KAT2B: variants seen among roughly 807,000 people sequenced by gnomAD.
The protein encoded by KAT2B is histone acetyltransferase KAT2B.
A neutral mutation model predicts 105.9 loss-of-function variants in KAT2B; 36 were observed. That is an observed-to-expected ratio of 0.34 (90% confidence interval 0.26 to 0.45). The LOEUF is 0.45. Among genes scored for constraint, KAT2B ranks in the 20% least tolerant of loss-of-function variants. KAT2B has a pLI of 1.00. For missense variants in KAT2B, 820 were observed against 1,021.6 expected (o/e 0.80, Z 2.69); for synonymous variants, 397 against 377.9 (o/e 1.05, Z -0.59).
chr3:20,088,048 G>A (rs1032398778), intron 2 of KAT2B, among the ~76,000 whole-genome samples: 1 of 152,064 alleles, frequency 6.6e-6, no homozygotes, highest in African/African-American at 2.4e-5. Flanking sequence ...AAAGTGCTAG[G>A]ATTACAGGTG....
chr3:20,048,859 C>A (rs1697862145), intron 1 of KAT2B, among the ~76,000 whole-genome samples: 1 of 152,070 alleles, frequency 6.6e-6, no homozygotes, highest in Non-Finnish European at 1.5e-5. Flanking sequence ...TGCTGGGTGC[C>A]TTTGGGCAGC....
intron 1 of KAT2B, among the ~76,000 whole-genome samples, chr3:20,063,345 C>T (rs1698169279): frequency 6.6e-6 from 1 of 150,706 alleles, no homozygotes; most frequent in South Asian, 2.1e-4. Context: ...CACCTGGCCG[C>T]CTGTGCTTTT....
At chr3:20,126,893 C>T (rs1699414643) in intron 10 of KAT2B, among the ~76,000 whole-genome samples, 1 of 150,848 alleles carries the variant, frequency 6.6e-6, no homozygotes, top group African/African-American at 2.4e-5. Flanking sequence ...TTTTAACATA[C>T]ATAGCCCAGT....
chr3:20,136,593 T>G (rs375008819), intron 11 of KAT2B, among the ~76,000 whole-genome samples: 8 of 152,282 alleles, frequency 5.3e-5, no homozygotes, highest in African/African-American at 1.9e-4. Flanking sequence ...AAATTCATAA[T>G]CTACATTCAT....
intron 1 of KAT2B, 104 bp downstream of exon 1, chr3:20,040,884 T>A (rs1697704750): frequency 1.7e-5 from 22 of 1,329,960 alleles, no homozygotes; most frequent in Non-Finnish European, 2.2e-5. Flanking sequence ...CTCCTGCCTC[T>A]CGCCTCCCGC....
intron 1 of KAT2B, among the ~76,000 whole-genome samples, chr3:20,048,030 C>G (rs192991872): frequency 6.6e-6 from 1 of 152,132 alleles, no homozygotes; most frequent in African/African-American, 2.4e-5. Flanking sequence ...ATTGTCACAG[C>G]AAAGTACAAA....
chr3:20,040,486 G>A lies in KAT2B; in HGVS notation c.9G>A (p.Glu3=), dbSNP rs947055646. The part of the protein sequence containing the change: MS[E]AGGAGPGGCG... Reference sequence around the variant, plus strand: ...CCGTGCTCCGGGGCGGCATGTCCGAGGCTGGCGGGGCCGGGCCGGGCGGCT... The same window carrying A: ...CCGTGCTCCGGGGCGGCATGTCCGAAGCTGGCGGGGCCGGGCCGGGCGGCT... Residue 3 remains glutamate, a synonymous_variant, in exon 1 of 18, where the codon GAG becomes GAA. Coordinates refer to ENST00000263754, the MANE Select transcript of KAT2B (RefSeq NM_003884.5). 14 of 1,053,100 alleles carry A rather than the reference G, an allele frequency of 1.3e-5. No individual in the cohort carries two copies. The Admixed American group carries it at 5.6e-4, about 42-fold the overall frequency. The allele number at this position is 1,053,100 out of a possible 1,614,324, so 65.2% of individuals were successfully genotyped here. A position where few individuals can be genotyped will look rare whatever the true frequency, so the allele number is the denominator to read the frequency against.
At chr3:20,131,809 C>T (rs1352061134) in intron 11 of KAT2B, among the ~76,000 whole-genome samples, 2 of 152,124 alleles carry the variant, frequency 1.3e-5, no homozygotes, top group Non-Finnish European at 2.9e-5. Flanking sequence ...AGAGATCCTC[C>T]CTCCTTGGCC....
At position 20,118,726 on chromosome 3, in the gene KAT2B, CAAAA is replaced by C. The variant is rs202106321; in HGVS notation, c.1151-854_1151-851del. ...GGGCGACAAAAGCGAAACTTTGTCT[CAAAA>C]AAAAAAAAAAAAAAAAAGAGAGAGA... On this transcript the variant is annotated intron_variant, in intron 7 of 17. Transcript: ENST00000263754. 6.9e-3 allele frequency among the ~76,000 whole-genome samples: 620 copies of C among 90,136 alleles called. 5 individuals are homozygous for C. The highest frequency in any genetic ancestry group is 0.025 in the African/African-American group (590 of 23,516). 59.1% of individuals were successfully genotyped at this position (90,136 alleles called of 152,430 possible).
At chr3:20,151,443 G>T (rs3804576) in intron 17 of KAT2B, among the ~76,000 whole-genome samples, 28,866 of 149,572 alleles carry the variant, frequency 0.19, 3,097 homozygotes, top group East Asian at 0.38. Context: ...CAGAAGTGGG[G>T]TTTTTTTTTT....
intron 2 of KAT2B, among the ~76,000 whole-genome samples, chr3:20,075,476 A>T (rs1698401914): frequency 6.6e-6 from 1 of 151,968 alleles, no homozygotes. Context: ...GGTTAAGGGC[A>T]CAGTCCCACA....
chr3:20,102,760 A>G (rs954689517), intron 5 of KAT2B, among the ~76,000 whole-genome samples: 2 of 152,182 alleles, frequency 1.3e-5, no homozygotes, highest in African/African-American at 4.8e-5. Context: ...ACTTTTTTAT[A>G]ACTTTTCTAT....
Position 20,125,932 on chromosome 3 carries a change from A to T in KAT2B, c.1441A>T (p.Arg481Trp), listed in dbSNP as rs1332528946. The change falls in exon 10 of 18, where the codon AGG becomes TGG. Residue 481 changes from arginine (R) to tryptophan (W), a missense_variant. Arg to Trp is a moderately radical substitution (Grantham distance 101). Coordinates refer to ENST00000263754, the MANE Select transcript of KAT2B (RefSeq NM_003884.5). The stretch of plus-strand genomic sequence containing the variant: ...CAATTTTCTGTCAGCACACTCGGCC[A>T]GGGATGAGGCGGCAAGGTTGGAAGA... The part of the protein sequence containing the change: ...ETNFLSAHSA[R>W]DEAARLEERR... The T allele has an allele frequency of 6.2e-7, 1 of 1,613,970 alleles. No individual in the cohort carries two copies. The highest frequency in any genetic ancestry group is 8.5e-7 in the Non-Finnish European group (1 of 1,179,984).
intron 1 of KAT2B, among the ~76,000 whole-genome samples, chr3:20,065,172 G>A (rs912247155): frequency 3.3e-5 from 5 of 152,144 alleles, no homozygotes; most frequent in Admixed American, 6.6e-5. Context: ...GTAGTGCAGT[G>A]GCCTTTTCTT....
chr3:20,040,840 C>T (rs1697702894), intron 1 of KAT2B, 60 bp downstream of exon 1: 4 of 1,478,822 alleles, frequency 2.7e-6, no homozygotes, highest in African/African-American at 1.5e-5. Flanking sequence ...CGCGGGACCC[C>T]CCTCCCCCTC....
intron 11 of KAT2B, among the ~76,000 whole-genome samples, chr3:20,128,481 TTTTTG>T (rs146710195): frequency 0.064 from 9,769 of 152,178 alleles, 330 homozygotes; most frequent in Non-Finnish European, 0.077. Flanking sequence ...TTGGAGTGTC[TTTTTG>T]TTTTGTTTTG....
At chr3:20,040,888 C>T in intron 1 of KAT2B, 108 bp downstream of exon 1, 2 of 1,323,124 alleles carry the variant, frequency 1.5e-6, no homozygotes, top group Non-Finnish European at 2.0e-6. Flanking sequence ...TGCCTCTCGC[C>T]TCCCGCCTGG....
At chr3:20,076,454 T>C (rs1280510949) in intron 2 of KAT2B, among the ~76,000 whole-genome samples, 1 of 152,172 alleles carries the variant, frequency 6.6e-6, no homozygotes, top group East Asian at 1.9e-4. Context: ...CCAGTGTTTA[T>C]TTATTGGTCT....
chr3:20,079,103 G>A (rs1355529895), intron 2 of KAT2B, among the ~76,000 whole-genome samples: 1 of 149,842 alleles, frequency 6.7e-6, no homozygotes, highest in Non-Finnish European at 1.5e-5. Context: ...ATTTTGCCAA[G>A]TTAGCCACGC....
Sources: allele counts gnomAD v4.1 joint callset (sites outside exome capture counted in the v4.1 genomes callset), GRCh38; gene constraint gnomAD v4.1.1; transcripts MANE v1.5; gene names NCBI Gene and HGNC (gene_info 2026-07-23, HGNC 2026-07-21).